The following ZFHX3 variants were observed in gnomAD, a reference collection of about 807,000 sequenced individuals.
ZFHX3 encodes zinc finger homeobox protein 3.
In ZFHX3, 42 loss-of-function variants were observed where a neutral mutation model predicts 279.1. The ratio of observed to expected loss-of-function variants is 0.15; its 90% CI spans 0.12 to 0.19. The LOEUF is 0.19. Ranked by LOEUF, ZFHX3 falls within the 10% of genes least tolerant of loss-of-function variation. The pLI, the probability that ZFHX3 is intolerant of heterozygous loss-of-function variation, is 1.00. For synonymous variants in ZFHX3, 2,293 were observed against 1,957.8 expected (o/e 1.17, Z -4.52); for missense variants, 4,981 against 4,754.0 (o/e 1.05, Z -1.40).
chr16:73,493,507 A>T (rs367738998), intron 2 of ZFHX3, among the ~76,000 whole-genome samples: 7 of 152,316 alleles, frequency 4.6e-5, no homozygotes, highest in African/African-American at 1.7e-4. Context: ...AATGAGTGAG[A>T]TGAAGTAAAC....
intron 5 of ZFHX3, among the ~76,000 whole-genome samples, chr16:73,225,377 A>C (rs1055582878): frequency 6.6e-6 from 1 of 152,118 alleles, no homozygotes; most frequent in African/African-American, 2.4e-5. Flanking sequence ...GCACCTTGTG[A>C]GGCCGAGGTG....
intron 1 of ZFHX3, among the ~76,000 whole-genome samples, chr16:73,859,063 AG>A (rs2142387957): frequency 6.6e-6 from 1 of 152,336 alleles, no homozygotes; most frequent in African/African-American, 2.4e-5. Flanking sequence ...CCTGGGGAAA[AG>A]TAGCTGTACA....
intron 7 of ZFHX3, among the ~76,000 whole-genome samples, chr16:73,093,930 A>T (rs1224962137): frequency 1.3e-5 from 2 of 152,302 alleles, no homozygotes; most frequent in South Asian, 2.1e-4. Context: ...TAGCTCTAGC[A>T]GGGATGTAGC....
chr16:73,543,424 C>G (rs945242042), intron 2 of ZFHX3, among the ~76,000 whole-genome samples: 2 of 152,184 alleles, frequency 1.3e-5, no homozygotes, highest in South Asian at 2.1e-4. Flanking sequence ...CCTGGTCCCC[C>G]CTTTCCTTGT....
chr16:72,811,751 G>A lies in ZFHX3; in HGVS notation c.3690C>T (p.Tyr1230=), dbSNP rs2036456339. ...EQMYQCPYCK[Y]SNADVNRLRV... is the part of the protein sequence containing the mutation. ...GGAGCCGGTTGACATCGGCATTACT[G>A]TACTTGCAGTAGGGACACTGGTACA... is the stretch of plus-strand genomic sequence containing the variant. The change falls in exon 7 of 10, where the codon TAC becomes TAT. Residue 1230 remains tyrosine, a synonymous_variant. Transcript: ENST00000268489. The A allele has an allele frequency of 6.2e-7, 1 of 1,613,994 alleles. No homozygotes were observed. Among genetic ancestry groups the A allele is most frequent in the East Asian group, 2.2e-5 (1 of 44,878 alleles).
chr16:73,295,209 C>A (rs999837313), intron 4 of ZFHX3, among the ~76,000 whole-genome samples: 1 of 152,082 alleles, frequency 6.6e-6, no homozygotes, highest in Non-Finnish European at 1.5e-5. Context: ...AGCAGGACTC[C>A]GTCTCAAAAG....
At chr16:73,028,524 A>C (rs887171494) in intron 1 of ZFHX3, among the ~76,000 whole-genome samples, 2 of 152,204 alleles carry the variant, frequency 1.3e-5, no homozygotes, top group African/African-American at 4.8e-5. Flanking sequence ...CTAAGGATGC[A>C]TCAGGCACAG....
chr16:73,322,386 T>G (rs111404087), intron 3 of ZFHX3, among the ~76,000 whole-genome samples: 4 of 152,182 alleles, frequency 2.6e-5, no homozygotes, highest in African/African-American at 9.6e-5. Flanking sequence ...AATAATAAGG[T>G]TATGCAGGAT....
At chr16:73,665,322 T>C (rs1045826315) in intron 2 of ZFHX3, among the ~76,000 whole-genome samples, 4 of 151,828 alleles carry the variant, frequency 2.6e-5, no homozygotes, top group Admixed American at 6.6e-5. Context: ...CAAGTAATTA[T>C]CCTGCCTCAG....
At chr16:73,497,738 A>G (rs535332832) in intron 2 of ZFHX3, among the ~76,000 whole-genome samples, 5 of 152,192 alleles carry the variant, frequency 3.3e-5, no homozygotes, top group Non-Finnish European at 7.4e-5. Context: ...AAGGAATGGG[A>G]CCAAAGGTTG....
intron 1 of ZFHX3, among the ~76,000 whole-genome samples, chr16:73,047,122 CTTT>C (rs1020309175): frequency 6.6e-6 from 1 of 152,294 alleles, no homozygotes; most frequent in East Asian, 1.9e-4. Flanking sequence ...TACAATGCTT[CTTT>C]TTGTTGTTAT....
intron 1 of ZFHX3, among the ~76,000 whole-genome samples, chr16:73,003,512 A>ACCCCCCCCCCCC (rs142323888): frequency 9.1e-5 from 11 of 120,676 alleles, no homozygotes; most frequent in Admixed American, 1.9e-4. Flanking sequence ...ACATGGTGAG[A>ACCCCCCCCCCCC]CCCCCCCCTC....
At chr16:73,407,283 A>T (rs1403791477) in intron 3 of ZFHX3, among the ~76,000 whole-genome samples, 3 of 152,160 alleles carry the variant, frequency 2.0e-5, no homozygotes, top group Non-Finnish European at 2.9e-5. Flanking sequence ...CTTTGTGACT[A>T]AAAGTAGCTG....
At chr16:73,382,346 GA>G (rs2143371807) in intron 3 of ZFHX3, among the ~76,000 whole-genome samples, 1 of 152,318 alleles carries the variant, frequency 6.6e-6, no homozygotes, top group South Asian at 2.1e-4. Context: ...ACAGATTTGA[GA>G]AGAATGTTTG....
chr16:73,251,710 CAT>C (rs1313946415), intron 5 of ZFHX3, among the ~76,000 whole-genome samples: 1 of 127,378 alleles, frequency 7.9e-6, no homozygotes, highest in African/African-American at 2.6e-5. Context: ...TGCACACACA[CAT>C]ACACACCACA....
intron 4 of ZFHX3, among the ~76,000 whole-genome samples, chr16:72,878,735 G>T (rs1567561052): frequency 6.6e-6 from 1 of 152,198 alleles, no homozygotes; most frequent in African/African-American, 2.4e-5. Context: ...CAGCAAGGAG[G>T]CCAGACGCAG....
chr16:73,262,938 T>G (rs2013866004), intron 4 of ZFHX3, among the ~76,000 whole-genome samples: 1 of 151,890 alleles, frequency 6.6e-6, no homozygotes, highest in African/African-American at 2.4e-5. Flanking sequence ...GACATGTGAG[T>G]GAGGGGCCCC....
upstream of ZFHX3, among the ~76,000 whole-genome samples, chr16:73,049,944 G>A (rs1465101174): frequency 1.3e-5 from 2 of 152,196 alleles, no homozygotes; most frequent in Admixed American, 6.5e-5. Flanking sequence ...GATGACGTAT[G>A]CTAGCAGGAC....
chr16:73,846,422 C>A (rs1252236426), intron 1 of ZFHX3, among the ~76,000 whole-genome samples: 1 of 152,194 alleles, frequency 6.6e-6, no homozygotes, highest in African/African-American at 2.4e-5. Context: ...AGTTACTCAA[C>A]TAGTTCTGGT....
Sources: gnomAD v4.1 joint callset for allele counts (sites outside exome capture counted in the v4.1 genomes callset) on GRCh38, gnomAD v4.1.1 for gene constraint, MANE v1.5 for transcripts, NCBI Gene and HGNC (gene_info 2026-07-23, HGNC 2026-07-21) for gene names.